The following CACNA2D3 variants were observed in gnomAD, a reference collection of about 807,000 sequenced individuals.
CACNA2D3 encodes the protein calcium voltage-gated channel auxiliary subunit alpha2delta 3.
A neutral mutation model predicts 160.6 loss-of-function variants in CACNA2D3; 60 were observed. The observed-to-expected ratio is 0.37, with a 90% confidence interval of 0.30 to 0.46. The LOEUF (loss-of-function observed/expected upper bound fraction) is 0.46. CACNA2D3 is among the 20% of genes least tolerant of loss of function. The probability of loss-of-function intolerance (pLI) is 1.00; values close to 1 mark genes in which losing one functional copy is unlikely to be tolerated. For synonymous variants in CACNA2D3, 558 were observed against 492.9 expected (o/e 1.13, Z -1.75); for missense variants, 1,205 against 1,365.0 (o/e 0.88, Z 1.85).
rs75102450 is a variant in CACNA2D3 at position 54,323,043 on chromosome 3, C to T, written c.321+2485C>T. 1.7e-3 allele frequency among the ~76,000 whole-genome samples: 258 copies of T among 152,268 alleles called. 1 individual carries two copies. The highest frequency in any genetic ancestry group is 5.9e-3 in the African/African-American group (247 of 41,550). On this transcript the variant is annotated intron_variant, in intron 3 of 37. Coordinates refer to ENST00000474759, the MANE Select transcript of CACNA2D3 (RefSeq NM_018398.3). ...GTCCAGTGTTATATGGATTTCCCCACGCCCGTCTTTAAAGAGAGTTTGTAT... is the reference window on the plus strand; with the variant it reads ...GTCCAGTGTTATATGGATTTCCCCATGCCCGTCTTTAAAGAGAGTTTGTAT...
intron 3 of CACNA2D3, among the ~76,000 whole-genome samples, chr3:54,358,639 G>T (rs529766928): frequency 6.6e-6 from 1 of 152,216 alleles, no homozygotes; most frequent in Non-Finnish European, 1.5e-5. Context: ...GCATCTCCCT[G>T]CTGGCTGTGG....
At chr3:55,073,673 GGA>G (rs997509143) in intron 36 of CACNA2D3, 102 bp from the exon 37 acceptor site, 45 of 1,236,646 alleles carry the variant, frequency 3.6e-5, no homozygotes, top group South Asian at 6.4e-5. Context: ...TTCCACTGTT[GGA>G]GAGAGAGAGT....
intron 14 of CACNA2D3, among the ~76,000 whole-genome samples, chr3:54,822,790 C>CTTTCCTTCCTTCCTTTCTTTCTTT: frequency 1.4e-5 from 1 of 71,960 alleles, no homozygotes; most frequent in South Asian, 5.4e-4. Context: ...TTCTTTCTTT[C>CTTTCCTTCCTTCCTTTCTTTCTTT]CTTTCTTTCT....
At chr3:54,882,401 A>G (rs1454577458) in intron 21 of CACNA2D3, among the ~76,000 whole-genome samples, 1 of 152,034 alleles carries the variant, frequency 6.6e-6, no homozygotes, top group Admixed American at 6.5e-5. Flanking sequence ...ACACACATAC[A>G]TACATACATG....
chr3:54,545,139 A>C (rs572916074), intron 5 of CACNA2D3, among the ~76,000 whole-genome samples: 5 of 152,248 alleles, frequency 3.3e-5, no homozygotes, highest in African/African-American at 1.2e-4. Flanking sequence ...ACCATGATAC[A>C]CAAGTTTTAG....
intron 11 of CACNA2D3, among the ~76,000 whole-genome samples, chr3:54,730,508 C>T (rs983794657): frequency 1.3e-5 from 2 of 150,620 alleles, no homozygotes; most frequent in Admixed American, 1.3e-4. Context: ...TTCTTTCTTT[C>T]CTTTCTTTCT....
intron 2 of CACNA2D3, among the ~76,000 whole-genome samples, chr3:54,274,409 A>C (rs769734149): frequency 6.6e-6 from 1 of 152,098 alleles, no homozygotes; most frequent in Non-Finnish European, 1.5e-5. Flanking sequence ...AAGTCTCCTC[A>C]GACACCTTTT....
intron 11 of CACNA2D3, among the ~76,000 whole-genome samples, chr3:54,725,126 T>C (rs1326307703): frequency 1.3e-5 from 2 of 152,180 alleles, no homozygotes; most frequent in East Asian, 1.9e-4. Flanking sequence ...CAGAGAATAC[T>C]ATAAACACCT....
At chr3:54,681,925 C>G (rs571073061) in intron 11 of CACNA2D3, among the ~76,000 whole-genome samples, 1 of 152,048 alleles carries the variant, frequency 6.6e-6, no homozygotes, top group Admixed American at 6.6e-5. Flanking sequence ...TCAAGTGATC[C>G]GCCTGCCTCC....
intron 2 of CACNA2D3, among the ~76,000 whole-genome samples, chr3:54,204,796 G>GAAAAAAAAAAAAAAA (rs57129457): frequency 1.8e-4 from 13 of 74,070 alleles, no homozygotes; most frequent in East Asian, 1.0e-3. Flanking sequence ...ATGCTGTCTT[G>GAAAAAAAAAAAAAAA]AAAAAAAAAA....
chr3:54,979,031 G>A (rs1702450509), intron 29 of CACNA2D3, among the ~76,000 whole-genome samples: 1 of 152,152 alleles, frequency 6.6e-6, no homozygotes, highest in South Asian at 2.1e-4. Flanking sequence ...TTTTAAATTT[G>A]TCTTTGATGA....
chr3:54,223,724 C>T (rs1041156424), intron 2 of CACNA2D3, among the ~76,000 whole-genome samples: 12 of 151,816 alleles, frequency 7.9e-5, no homozygotes, highest in African/African-American at 2.4e-4. Context: ...CGTAGTGGCA[C>T]GTGCTGAATC....
In CACNA2D3 at chr3:54,684,269, A is replaced by T. The variant is rs1409198722; in HGVS notation, c.1167+42028A>T. On this transcript the variant is annotated intron_variant, in intron 11 of 37. Coordinates refer to ENST00000474759, the MANE Select transcript of CACNA2D3 (RefSeq NM_018398.3). ...GCCACCACGCCTGGCCAAAATTTCCATCTTTTTATAAAGACACCAGTCATT... is the reference window on the plus strand; with the variant it reads ...GCCACCACGCCTGGCCAAAATTTCCTTCTTTTTATAAAGACACCAGTCATT... Among the ~76,000 whole-genome samples the T allele has an allele frequency of 2.2e-4, 34 of 152,018 alleles. 1 individual carries two copies. The highest frequency in any genetic ancestry group is 2.2e-3 in the Admixed American group (34 of 15,244).
At chr3:54,460,289 A>C in intron 4 of CACNA2D3, among the ~76,000 whole-genome samples, 1 of 152,142 alleles carries the variant, frequency 6.6e-6, no homozygotes, top group Non-Finnish European at 1.5e-5. Flanking sequence ...ACTTTAAAGT[A>C]GTTTTTTTCC....
chr3:54,177,107 A>G (rs781046753), intron 2 of CACNA2D3, among the ~76,000 whole-genome samples: 4 of 152,232 alleles, frequency 2.6e-5, no homozygotes, highest in East Asian at 3.8e-4. Flanking sequence ...AGCTGTTAAC[A>G]TGATGCCAAG....
intron 5 of CACNA2D3, among the ~76,000 whole-genome samples, chr3:54,531,143 C>T (rs542585149): frequency 3.9e-5 from 6 of 152,334 alleles, no homozygotes; most frequent in Admixed American, 1.3e-4. Context: ...ATGGATTATT[C>T]GAAGCTGTGG....
intron 11 of CACNA2D3, among the ~76,000 whole-genome samples, chr3:54,661,405 C>G (rs887131624): frequency 2.6e-5 from 4 of 152,208 alleles, no homozygotes; most frequent in African/African-American, 9.6e-5. Context: ...TCAAAGAAGA[C>G]TGTTCTGGTT....
intron 11 of CACNA2D3, among the ~76,000 whole-genome samples, chr3:54,649,492 G>C (rs1417799489): frequency 6.6e-6 from 1 of 152,148 alleles, no homozygotes; most frequent in Non-Finnish European, 1.5e-5. Flanking sequence ...TCAATGACTG[G>C]GTGGCTTATA....
intron 31 of CACNA2D3, among the ~76,000 whole-genome samples, chr3:54,989,735 G>A (rs1444538316): frequency 6.6e-6 from 1 of 152,224 alleles, no homozygotes; most frequent in Non-Finnish European, 1.5e-5. Flanking sequence ...AGCTCAATTA[G>A]TTGTGAGCTG....
Sources: allele counts gnomAD v4.1 joint callset (sites outside exome capture counted in the v4.1 genomes callset), GRCh38; gene constraint gnomAD v4.1.1; transcripts MANE v1.5; gene names NCBI Gene and HGNC (gene_info 2026-07-23, HGNC 2026-07-21).